Variants in ADGRG5 observed in about 807,000 individuals in gnomAD.
ADGRG5 encodes adhesion G protein-coupled receptor G5.
In ADGRG5, 37 loss-of-function variants were observed where a neutral mutation model predicts 53.2. The observed-to-expected ratio is 0.70, with a 90% confidence interval of 0.53 to 0.91. The LOEUF (loss-of-function observed/expected upper bound fraction) is 0.91, where lower values mean the gene tolerates loss of function less well. Among genes scored for constraint, ADGRG5 ranks in the 40% least tolerant of loss-of-function variants. ADGRG5 has a pLI of 0.00. For missense variants in ADGRG5, 614 were observed against 675.8 expected (o/e 0.91, Z 1.01); for synonymous variants, 277 against 290.4 (o/e 0.95, Z 0.47).
At chr16:57,536,330 C>G in the ADGRG5 span, among the ~76,000 whole-genome samples, 1 of 152,240 alleles carries the variant, frequency 6.6e-6, no homozygotes, top group African/African-American at 2.4e-5. Flanking sequence ...GGGGAGGCGT[C>G]TAGAAAGTTC....
chr16:57,530,216 C>T, the ADGRG5 span, among the ~76,000 whole-genome samples: 1 of 152,146 alleles, frequency 6.6e-6, no homozygotes, highest in South Asian at 2.1e-4. Context: ...AAACAGCTCT[C>T]TTGTTCTCTG....
rs867630396 is a variant in ADGRG5, at chr16:57,551,995, A to G, written c.-39+9294A>G. ...TCAGAGCTCTTGGGTGACTAGGTAC[A>G]TTGTCGATGAGCAGAAATATTTTGA... On this transcript the variant is annotated intron_variant, in intron 1 of 11. Transcript: ENST00000349457. Among the ~76,000 whole-genome samples the G allele has an allele frequency of 2.0e-5, 3 of 151,764 alleles. 1 individual carries two copies. The South Asian group carries it at 6.3e-4, about 32-fold the overall frequency.
At position 57,575,477 on chromosome 16, in the gene ADGRG5, GC is replaced by G; in HGVS notation, c.1527del (p.Ser510GlnfsTer9). The G allele has an allele frequency of 4.3e-6, 7 of 1,614,166 alleles. No homozygotes were observed. Among genetic ancestry groups the G allele is most frequent in the Non-Finnish European group, 5.9e-6 (7 of 1,180,000 alleles). On this transcript the variant is annotated frameshift_variant, in exon 12 of 12. Coordinates refer to ENST00000349457, the MANE Select transcript of ADGRG5 (RefSeq NM_001304376.3). LOFTEE classifies it high-confidence loss of function. Reference sequence around the variant, plus strand: ...CTGTGGTTCTGCTCCCAGCGGTGCCGCTCAGAAGCAGAGGCCAAGGCACAGA... The same window carrying G: ...CTGTGGTTCTGCTCCCAGCGGTGCCGTCAGAAGCAGAGGCCAAGGCACAGA... ...LFLWFCSQRCRSEAEAKAQIE... is the reference protein window; with the variant it reads ...LFLWFCSQRCXSEAEAKAQIE...
the ADGRG5 span, among the ~76,000 whole-genome samples, chr16:57,533,710 A>G: frequency 1.3e-5 from 2 of 151,282 alleles, no homozygotes; most frequent in African/African-American, 4.9e-5. Context: ...ACACACATAC[A>G]GCCCCGGTAA....
chr16:57,556,612 C>G (rs1413044817), intron 1 of ADGRG5, among the ~76,000 whole-genome samples: 1 of 152,178 alleles, frequency 6.6e-6, no homozygotes, highest in Non-Finnish European at 1.5e-5. Context: ...CTCTCTCCTG[C>G]CTGTCGTGCT....
chr16:57,568,132 C>A lies in ADGRG5; in HGVS notation c.1090+8C>A. ...TTGGTGTGCTAGGCTGGGGTAAGCA[C>A]ATCATCTCTCCTCGCCTCCTCAGAC... On this transcript the variant is annotated splice_region_variant and intron_variant, in intron 9 of 11. Coordinates refer to ENST00000349457, the MANE Select transcript of ADGRG5 (RefSeq NM_001304376.3). 1 of 1,613,278 alleles carries A rather than the reference C, an allele frequency of 6.2e-7. No individual in the cohort carries two copies. The highest frequency in any genetic ancestry group is 1.1e-5 in the South Asian group (1 of 91,056).
chr16:57,548,755 T>C (rs542340812), intron 1 of ADGRG5, among the ~76,000 whole-genome samples: 3 of 151,960 alleles, frequency 2.0e-5, no homozygotes, highest in Middle Eastern at 6.8e-3. Flanking sequence ...GATAATTCCT[T>C]TAAGATCCAT....
At chr16:57,571,826 G>T (rs2033369874) in intron 10 of ADGRG5, among the ~76,000 whole-genome samples, 1 of 151,872 alleles carries the variant, frequency 6.6e-6, no homozygotes, top group Non-Finnish European at 1.5e-5. Flanking sequence ...TGTATTTTTA[G>T]TAGAGACAGA....
At chr16:57,568,145 C>T (rs767568517) in intron 9 of ADGRG5, 21 bp downstream of exon 9, 19 of 1,611,012 alleles carry the variant, frequency 1.2e-5, no homozygotes, top group South Asian at 3.3e-5. Flanking sequence ...CATCTCTCCT[C>T]GCCTCCTCAG....
At chr16:57,533,625 C>G in the ADGRG5 span, among the ~76,000 whole-genome samples, 1 of 151,768 alleles carries the variant, frequency 6.6e-6, no homozygotes, top group African/African-American at 2.4e-5. Context: ...CACTCACACA[C>G]AGCCCCAGTA....
chr16:57,530,020 C>T, the ADGRG5 span, among the ~76,000 whole-genome samples: 2,197 of 152,298 alleles, frequency 0.014, 27 homozygotes, highest in Non-Finnish European at 0.023. Context: ...AAATGATTAC[C>T]TCCATTTATG....
At chr16:57,572,965 G>C (rs2033402572) in intron 10 of ADGRG5, among the ~76,000 whole-genome samples, 1 of 152,234 alleles carries the variant, frequency 6.6e-6, no homozygotes, top group African/African-American at 2.4e-5. Flanking sequence ...TCAGGATCCA[G>C]CTTTGCCTCT....
chr16:57,551,146 A>G (rs1330275838), intron 1 of ADGRG5, among the ~76,000 whole-genome samples: 1 of 152,260 alleles, frequency 6.6e-6, no homozygotes, highest in Non-Finnish European at 1.5e-5. Flanking sequence ...AAAAAGTACT[A>G]GCAATCTATC....
chr16:57,549,682 C>G (rs190548111), intron 1 of ADGRG5, among the ~76,000 whole-genome samples: 229 of 152,268 alleles, frequency 1.5e-3, no homozygotes, highest in African/African-American at 5.4e-3. Context: ...ACATTGCTGT[C>G]CCCTGAAAAG....
intron 5 of ADGRG5, 116 bp from the exon 6 acceptor site, chr16:57,564,918 A>C: frequency 1.5e-6 from 1 of 679,236 alleles, no homozygotes; most frequent in Admixed American, 2.4e-5. Flanking sequence ...GAAAGCTTTC[A>C]CGCTGCACAC....
At chr16:57,545,785 G>T (rs1002265983) in intron 1 of ADGRG5, among the ~76,000 whole-genome samples, 7 of 151,594 alleles carry the variant, frequency 4.6e-5, no homozygotes, top group African/African-American at 1.7e-4. Flanking sequence ...AAACAATGTA[G>T]CTGTGCTTAT....
chr16:57,549,309 A>G (rs1391421653), intron 1 of ADGRG5, among the ~76,000 whole-genome samples: 4 of 152,196 alleles, frequency 2.6e-5, no homozygotes, highest in Non-Finnish European at 5.9e-5. Flanking sequence ...CTACAGACTC[A>G]CTGGGTGCTA....
At chr16:57,548,107 G>A (rs1291296466) in intron 1 of ADGRG5, among the ~76,000 whole-genome samples, 1 of 151,546 alleles carries the variant, frequency 6.6e-6, no homozygotes, top group Non-Finnish European at 1.5e-5. Flanking sequence ...TTGAACTCCT[G>A]GCCTCAAGCG....
intron 10 of ADGRG5, among the ~76,000 whole-genome samples, chr16:57,571,285 G>A (rs1313386111): frequency 6.6e-6 from 1 of 152,132 alleles, no homozygotes. Flanking sequence ...GGCAAGGGCC[G>A]GGTCCTGTTG....
Sources: allele counts gnomAD v4.1 joint callset (sites outside exome capture counted in the v4.1 genomes callset), GRCh38; gene constraint gnomAD v4.1.1; transcripts MANE v1.5; gene names NCBI Gene and HGNC (gene_info 2026-07-23, HGNC 2026-07-21).